Variants in ITGAE observed in about 807,000 individuals in gnomAD.
ITGAE encodes integrin subunit alpha E.
In ITGAE, 99 loss-of-function variants were observed where a neutral mutation model predicts 136.5. The ratio of observed to expected loss-of-function variants is 0.73; its 90% CI spans 0.62 to 0.86. ITGAE has a LOEUF of 0.86. ITGAE is among the 40% of genes least tolerant of loss of function. The pLI is 0.00. For missense variants in ITGAE, 1,447 were observed against 1,515.3 expected (o/e 0.95, Z 0.75); for synonymous variants, 613 against 591.8 (o/e 1.04, Z -0.52).
chr17:3,769,693 T>C (rs1480583697), intron 2 of ITGAE, among the ~76,000 whole-genome samples: 2 of 152,170 alleles, frequency 1.3e-5, no homozygotes, highest in African/African-American at 4.8e-5. Context: ...CGTTGTTTGT[T>C]TGCTTTTTGA....
rs1054908452 is a variant in ITGAE at position 3,774,069 on chromosome 17, C to T, written c.155+3471G>A. On this transcript the variant is annotated intron_variant, in intron 2 of 30. Transcript: ENST00000263087. ...GCTGTCAGGGTCAAGGCCCAAGTCC[C>T]AGGGCCTATGAGGCTGCTTCGGGAG... Among the ~76,000 whole-genome samples the T allele has an allele frequency of 5.8e-4, 88 of 152,270 alleles. 1 individual carries two copies. Among genetic ancestry groups the T allele is most frequent in the African/African-American group, 1.9e-3 (77 of 41,560 alleles).
At chr17:3,721,261 T>C (rs2051044710) in intron 28 of ITGAE, among the ~76,000 whole-genome samples, 1 of 20,546 alleles carries the variant, frequency 4.9e-5, no homozygotes, top group African/African-American at 8.5e-4. Context: ...AGATTTTTCC[T>C]TTTTTTTTTT....
At chr17:3,795,750 C>T (rs1347338335) in intron 1 of ITGAE, among the ~76,000 whole-genome samples, 1 of 152,210 alleles carries the variant, frequency 6.6e-6, no homozygotes, top group South Asian at 2.1e-4. Context: ...CGCAGAGGCA[C>T]GGTGGCATGA....
Position 3,714,684 on chromosome 17 carries a change from C to T in ITGAE, c.*163G>A. On this transcript the variant is annotated 3_prime_UTR_variant, in exon 31 of 31. Transcript: ENST00000263087. ...AAATGTTTCCTAAGTTTACTTTTTG[C>T]ACAATGCACAGACACTTTTGGGACA... 1 of 465,608 alleles carries T rather than the reference C, an allele frequency of 2.1e-6. No individual in the cohort carries two copies. Among genetic ancestry groups the T allele is most frequent in the Non-Finnish European group, 3.8e-6 (1 of 264,848 alleles). 28.8% of individuals were successfully genotyped at this position (465,608 alleles called of 1,614,324 possible).
At chr17:3,797,068 T>C (rs1469202378) in intron 1 of ITGAE, among the ~76,000 whole-genome samples, 2 of 150,438 alleles carry the variant, frequency 1.3e-5, no homozygotes, top group Non-Finnish European at 3.0e-5. Flanking sequence ...CCCATCTCTC[T>C]CCCTCACCCT....
intron 1 of ITGAE, among the ~76,000 whole-genome samples, chr17:3,785,938 C>A (rs1442955706): frequency 6.6e-6 from 1 of 151,830 alleles, no homozygotes; most frequent in African/African-American, 2.4e-5. Flanking sequence ...GAGGCCGAGG[C>A]GGGCGGATCA....
chr17:3,768,072 A>G (rs1434299824), intron 2 of ITGAE, among the ~76,000 whole-genome samples: 2 of 152,166 alleles, frequency 1.3e-5, no homozygotes, highest in African/African-American at 4.8e-5. Flanking sequence ...AAACTTCTAT[A>G]TTAATAGAAG....
chr17:3,743,432 T>C, intron 19 of ITGAE, 57 bp downstream of exon 19: 2 of 1,506,304 alleles, frequency 1.3e-6, no homozygotes, highest in Non-Finnish European at 1.8e-6. Flanking sequence ...GGGGAGCAGG[T>C]GGTTTCTGTG....
intron 16 of ITGAE, among the ~76,000 whole-genome samples, chr17:3,749,915 C>T (rs1244760550): frequency 1.3e-5 from 2 of 152,150 alleles, no homozygotes; most frequent in East Asian, 3.9e-4. Flanking sequence ...CCTCAGGAGG[C>T]TGAGGCAGAA....
chr17:3,732,291 G>T, intron 22 of ITGAE, 77 bp downstream of exon 22: 1 of 1,083,584 alleles, frequency 9.2e-7, no homozygotes, highest in Non-Finnish European at 1.4e-6. Flanking sequence ...GGAACCGAGA[G>T]ATTGAGATGA....
rs1307486472 is a variant in ITGAE, at chr17:3,797,220, C to T, written c.34+3891G>A. Among the ~76,000 whole-genome samples, 252 of 136,682 alleles carry T rather than the reference C, an allele frequency of 1.8e-3. 1 individual carries two copies. Among genetic ancestry groups the T allele is most frequent in the African/African-American group, 6.2e-3 (224 of 36,334 alleles). 89.7% of individuals were successfully genotyped at this position (136,682 alleles called of 152,430 possible). A position where few individuals can be genotyped will look rare whatever the true frequency, so the allele number is the denominator to read the frequency against. ...TCGCTCTGTCGCCCAGGCTGGAGTG[C>T]AGTGGCGCAATCTCGGCTCACTGCA... On this transcript the variant is annotated intron_variant, in intron 1 of 30. Coordinates refer to ENST00000263087, the MANE Select transcript of ITGAE (RefSeq NM_002208.5).
intron 1 of ITGAE, among the ~76,000 whole-genome samples, chr17:3,791,451 T>C (rs2052937668): frequency 6.6e-6 from 1 of 151,820 alleles, no homozygotes; most frequent in South Asian, 2.1e-4. Context: ...CCTGGCTAAT[T>C]TTTGTACTTT....
intron 2 of ITGAE, among the ~76,000 whole-genome samples, chr17:3,765,924 C>A (rs1023061584): frequency 6.6e-6 from 1 of 152,204 alleles, no homozygotes; most frequent in African/African-American, 2.4e-5. Flanking sequence ...CATCTGCTAT[C>A]GTAGGCAGAA....
chr17:3,764,743 C>T (rs939582113), intron 2 of ITGAE, among the ~76,000 whole-genome samples: 2 of 152,114 alleles, frequency 1.3e-5, no homozygotes, highest in African/African-American at 2.4e-5. Context: ...GGGGTGGCTG[C>T]CTCAGCCTGA....
At position 3,799,845 on chromosome 17, in the gene ITGAE, C is replaced by T. The variant is rs1021552150; in HGVS notation, c.34+1266G>A. Among the ~76,000 whole-genome samples, 12 of 152,318 alleles carry T rather than the reference C, an allele frequency of 7.9e-5. No homozygotes were observed. The highest frequency in any genetic ancestry group is 7.2e-4 in the Admixed American group (11 of 15,302). On this transcript the variant is annotated intron_variant, in intron 1 of 30. Coordinates refer to ENST00000263087, the MANE Select transcript of ITGAE (RefSeq NM_002208.5). This position sits in a 1 kb window ranked among gnomAD's most constrained non-coding sequence, Gnocchi z 4.1. ...TGTTTTTGAAATATAAAATATTAGG[C>T]CGGGCAAGGTGGCTCATGCCTGTAG...
chr17:3,724,896 G>C, intron 26 of ITGAE: 1 of 1,613,546 alleles, frequency 6.2e-7, no homozygotes, highest in Non-Finnish European at 8.5e-7. Flanking sequence ...TGTTCCCAAG[G>C]GCCGCATTGT....
At chr17:3,745,697 C>T in intron 18 of ITGAE, 67 bp downstream of exon 18, 2 of 1,476,174 alleles carry the variant, frequency 1.4e-6, no homozygotes, top group Non-Finnish European at 1.9e-6. Flanking sequence ...CCCTTCACTG[C>T]ATCACCTCAA....
Position 3,753,333 on chromosome 17 carries a change from T to A in ITGAE, c.1625A>T (p.His542Leu), listed in dbSNP as rs1012920181. The A allele has an allele frequency of 6.2e-7, 1 of 1,614,162 alleles. No individual in the cohort carries two copies. The highest frequency in any genetic ancestry group is 1.3e-5 in the African/African-American group (1 of 75,032). ...LLVAAPFYHV[H>L]GEEGRVYVYR... ...CACGTAGACTCTGCCTTCTTCTCCA[T>A]GAACGTGGTAAAATGGAGCAGCCAC... The change falls in exon 14 of 31, where the codon CAT (histidine) becomes CTT (leucine). Residue 542 changes from histidine (H) to leucine (L), a missense_variant. Transcript: ENST00000263087.
In ITGAE at chr17:3,757,036, C is replaced by T; in HGVS notation, c.1119G>A (p.Met373Ile). The T allele has an allele frequency of 6.2e-7, 1 of 1,614,210 alleles. No individual in the cohort carries two copies. Among genetic ancestry groups the T allele is most frequent in the Non-Finnish European group, 8.5e-7 (1 of 1,180,030 alleles). ...GTTTGCTCAGCAGCCCATCCAGCGC[C>T]ATGTAGTTGGTCACCTTGAAAGCAT... is the stretch of plus-strand genomic sequence containing the variant. ...ETHAFKVTNY[M>I]ALDGLLSKLR... is the part of the protein sequence containing the mutation. Residue 373 changes from methionine to isoleucine, a missense_variant, in exon 10 of 31, where the codon ATG becomes ATA. Met to Ile is a conservative substitution (Grantham distance 10). This residue lies in a region of ITGAE where 310 missense variants were observed against 416.1 expected (regional missense o/e 0.74). Coordinates refer to ENST00000263087, the MANE Select transcript of ITGAE (RefSeq NM_002208.5).
Sources: gnomAD v4.1 joint callset for allele counts (sites outside exome capture counted in the v4.1 genomes callset) on GRCh38, gnomAD v4.1.1 for gene constraint, gnomAD v4.1.1 regional missense constraint, Gnocchi (gnomAD v3.1) non-coding constraint, MANE v1.5 for transcripts, NCBI Gene and HGNC (gene_info 2026-07-23, HGNC 2026-07-21) for gene names.